ABCB1: variants seen among roughly 807,000 people sequenced by gnomAD.
ABCB1 encodes ATP-dependent translocase ABCB1.
ABCB1 carries 69 observed loss-of-function variants against 142.0 expected under a neutral mutation model. That is an observed-to-expected ratio of 0.49 (90% CI 0.40 to 0.59). The LOEUF is 0.59. Ranked by LOEUF, ABCB1 falls within the 20% of genes least tolerant of loss-of-function variation. The pLI is 0.00. For missense variants in ABCB1, 1,326 were observed against 1,554.7 expected, an observed-to-expected ratio of 0.85 and a Z score of 2.47; for synonymous variants, 532 against 539.2, an observed-to-expected ratio of 0.99 and a Z score of 0.18.
At chr7:87,629,299 G>A (rs1820963428) in intron 1 of ABCB1, 2 of 205,140 alleles carry the variant, frequency 9.7e-6, no homozygotes, top group African/African-American at 4.6e-5. Context: ...AGCGAGCTTT[G>A]GATAAAGTGG....
At chr7:87,678,503 G>C (rs1435172473) in intron 1 of ABCB1, among the ~76,000 whole-genome samples, 1 of 151,910 alleles carries the variant, frequency 6.6e-6, no homozygotes, top group Admixed American at 6.6e-5. Flanking sequence ...AATTAAAATG[G>C]AACATTAAAA....
In ABCB1 at chr7:87,566,234, A is replaced by C; in HGVS notation, c.538T>G (p.Ser180Ala). ...ELNTRLTDDV[S>A]KINEGIGDKI... ...TCACCAATTCCTTCATTAATCTTGG[A>C]GACATCACTGAAAGAACAGATAGTG... The change falls in exon 7 of 28, where the codon TCC (serine) becomes GCC (alanine). Residue 180 changes from serine (S) to alanine (A), a missense_variant. Coordinates refer to ENST00000622132, the MANE Select transcript of ABCB1 (RefSeq NM_001348946.2). The C allele has an allele frequency of 6.2e-7, 1 of 1,613,968 alleles. No individual in the cohort carries two copies. The highest frequency in any genetic ancestry group is 1.1e-5 in the South Asian group (1 of 91,086).
At chr7:87,698,323 T>C (rs1256081981) in intron 1 of ABCB1, among the ~76,000 whole-genome samples, 2 of 152,228 alleles carry the variant, frequency 1.3e-5, no homozygotes, top group East Asian at 3.9e-4. Context: ...GATGGTCTCC[T>C]GACCACATGA....
chr7:87,508,042 C>T (rs1814825976), intron 26 of ABCB1, among the ~76,000 whole-genome samples: 1 of 151,992 alleles, frequency 6.6e-6, no homozygotes, highest in Non-Finnish European at 1.5e-5. Context: ...GTGCTCAGTA[C>T]CTAGGTGACA....
At chr7:87,542,294 G>C (rs1816573919) in intron 17 of ABCB1, among the ~76,000 whole-genome samples, 1 of 152,110 alleles carries the variant, frequency 6.6e-6, no homozygotes. Flanking sequence ...TCTATGCCAG[G>C]CATTATTCTA....
chr7:87,511,568 T>C (rs1276485090), intron 25 of ABCB1, among the ~76,000 whole-genome samples: 1 of 152,242 alleles, frequency 6.6e-6, no homozygotes, highest in East Asian at 1.9e-4. Flanking sequence ...ATACAGTCTC[T>C]TGTTTAACCT....
At chr7:87,635,258 T>C (rs1821646091) in intron 1 of ABCB1, among the ~76,000 whole-genome samples, 5 of 152,222 alleles carry the variant, frequency 3.3e-5, no homozygotes, top group Admixed American at 3.3e-4. Context: ...CAACTGCTTT[T>C]ACCCAGTTGT....
chr7:87,706,222 A>T (rs774088416), intron 1 of ABCB1, among the ~76,000 whole-genome samples: 2 of 152,210 alleles, frequency 1.3e-5, no homozygotes, highest in Non-Finnish European at 2.9e-5. Context: ...GCTGAAGAAT[A>T]CAAGATATGG....
intron 1 of ABCB1, among the ~76,000 whole-genome samples, chr7:87,661,421 A>G (rs1585031586): frequency 6.7e-6 from 1 of 149,674 alleles, no homozygotes; most frequent in Non-Finnish European, 1.5e-5. Context: ...CACCTTCACT[A>G]CCCTCCCCAG....
intron 4 of ABCB1, 21 bp downstream of exon 4, chr7:87,585,491 T>A: frequency 6.2e-7 from 1 of 1,612,246 alleles, no homozygotes; most frequent in Non-Finnish European, 8.5e-7. Flanking sequence ...CCAATAAAAT[T>A]GGTACACAAA....
At chr7:87,551,569 G>A (rs1817069680) in intron 9 of ABCB1, among the ~76,000 whole-genome samples, 1 of 152,004 alleles carries the variant, frequency 6.6e-6, no homozygotes, top group South Asian at 2.1e-4. Flanking sequence ...TTGGCTCACT[G>A]CAACTTCAAC....
At chr7:87,623,578 T>C (rs1464819835) in intron 1 of ABCB1, among the ~76,000 whole-genome samples, 1 of 152,242 alleles carries the variant, frequency 6.6e-6, no homozygotes. Flanking sequence ...TTTTGCTCTA[T>C]GACCAATACT....
intron 1 of ABCB1, among the ~76,000 whole-genome samples, chr7:87,670,970 TCA>T (rs61373309): frequency 0.016 from 2,472 of 152,330 alleles, 71 homozygotes; most frequent in African/African-American, 0.056. Flanking sequence ...TGGGGCGATC[TCA>T]GTGTTTATGT....
intron 1 of ABCB1, among the ~76,000 whole-genome samples, chr7:87,609,114 A>G (rs573810677): frequency 2.6e-5 from 4 of 152,300 alleles, no homozygotes; most frequent in Admixed American, 2.6e-4. Context: ...TGTATGTTAA[A>G]AAGAGTAAAG....
At chr7:87,663,220 A>T (rs1171300013) in intron 1 of ABCB1, among the ~76,000 whole-genome samples, 2 of 152,060 alleles carry the variant, frequency 1.3e-5, no homozygotes, top group Non-Finnish European at 2.9e-5. Context: ...TTTTAGTTGG[A>T]TGCCCTTTAT....
intron 1 of ABCB1, among the ~76,000 whole-genome samples, chr7:87,686,648 T>C (rs530606657): frequency 6.6e-6 from 1 of 151,602 alleles, no homozygotes; most frequent in Non-Finnish European, 1.5e-5. Context: ...CTGATTAAAA[T>C]GAAAAAGTTA....
At chr7:87,624,952 T>G (rs1820354087) in intron 1 of ABCB1, among the ~76,000 whole-genome samples, 1 of 152,058 alleles carries the variant, frequency 6.6e-6, no homozygotes, top group Admixed American at 6.6e-5. Context: ...CTTCTAAGAG[T>G]AACATTTGAA....
chr7:87,534,898 A>G (rs1181211939), intron 20 of ABCB1, among the ~76,000 whole-genome samples: 1 of 147,660 alleles, frequency 6.8e-6, no homozygotes, highest in Non-Finnish European at 1.5e-5. Flanking sequence ...CTGGGCTACA[A>G]AGAGAGACCC....
chr7:87,686,185 C>T (rs1381054897), intron 1 of ABCB1, among the ~76,000 whole-genome samples: 2 of 152,142 alleles, frequency 1.3e-5, no homozygotes, highest in East Asian at 1.9e-4. Flanking sequence ...ATTCTCTTTA[C>T]CTCATTCATT....
Sources: allele counts gnomAD v4.1 joint callset (sites outside exome capture counted in the v4.1 genomes callset), GRCh38; gene constraint gnomAD v4.1.1; transcripts MANE v1.5; gene names NCBI Gene and HGNC (gene_info 2026-07-23, HGNC 2026-07-21).